The following GPM6A variants were observed in gnomAD, a reference collection of about 807,000 sequenced individuals.
The protein encoded by GPM6A is neuronal membrane glycoprotein M6-a.
Under a neutral mutation model 32.1 loss-of-function variants are expected in GPM6A, and 7 were observed. That is an observed-to-expected ratio of 0.22 (90% CI 0.12 to 0.41). The LOEUF is 0.41. Ranked by LOEUF, GPM6A falls within the 10% of genes least tolerant of loss-of-function variation. The pLI, the probability that GPM6A is intolerant of heterozygous loss-of-function variation, is 1.00. For synonymous variants in GPM6A, 130 were observed against 123.4 expected, an observed-to-expected ratio of 1.05 and a Z score of -0.35; for missense variants, 235 against 347.2, an observed-to-expected ratio of 0.68 and a Z score of 2.57.
intron 1 of GPM6A, among the ~76,000 whole-genome samples, chr4:175,968,338 G>C (rs1740394344): frequency 6.6e-6 from 1 of 152,126 alleles, no homozygotes; most frequent in Non-Finnish European, 1.5e-5. Flanking sequence ...GATGACATAG[G>C]AGAAAAATGT....
At chr4:175,918,186 A>G (rs902392931) in intron 1 of GPM6A, among the ~76,000 whole-genome samples, 2 of 152,128 alleles carry the variant, frequency 1.3e-5, no homozygotes, top group Non-Finnish European at 2.9e-5. Context: ...TAATGAAGAC[A>G]TATTTCAGAC....
intron 1 of GPM6A, among the ~76,000 whole-genome samples, chr4:175,776,909 C>T (rs773417310): frequency 2.0e-5 from 3 of 152,116 alleles, no homozygotes; most frequent in Admixed American, 6.6e-5. Context: ...TCAAGGCCTA[C>T]GTATGCAAAT....
chr4:176,000,462 A>G (rs919666710), intron 1 of GPM6A, among the ~76,000 whole-genome samples: 10 of 152,224 alleles, frequency 6.6e-5, no homozygotes, highest in Non-Finnish European at 1.0e-4. Context: ...TCCAGGACAA[A>G]TTGTTTTCAC....
Position 175,701,327 on chromosome 4 carries a change from C to A in GPM6A, c.230+248G>T, listed in dbSNP as rs138407818. On this transcript the variant is annotated intron_variant, in intron 2 of 6. Transcript: ENST00000393658. Reference sequence around the variant, plus strand: ...ATTCCACTTAATGGTAACCAAATTTCGAATACAACTTTACATTTAAAGCAT... The same window carrying A: ...ATTCCACTTAATGGTAACCAAATTTAGAATACAACTTTACATTTAAAGCAT... 2.6e-5 allele frequency among the ~76,000 whole-genome samples: 4 copies of A among 152,258 alleles called. No homozygotes were observed. In the East Asian group the frequency reaches 7.7e-4, roughly 29 times the overall value.
chr4:175,692,377 A>G (rs1744347332), intron 2 of GPM6A, among the ~76,000 whole-genome samples: 1 of 152,130 alleles, frequency 6.6e-6, no homozygotes, highest in Non-Finnish European at 1.5e-5. Flanking sequence ...GCTAGGTATT[A>G]TAATTTATTT....
At chr4:175,977,596 T>C (rs1561020060) in intron 1 of GPM6A, among the ~76,000 whole-genome samples, 1 of 152,160 alleles carries the variant, frequency 6.6e-6, no homozygotes, top group Non-Finnish European at 1.5e-5. Context: ...TTACCAAAAA[T>C]GCCTTGTGAT....
chr4:175,938,115 T>C (rs6851458), intron 1 of GPM6A, among the ~76,000 whole-genome samples: 2,407 of 152,304 alleles, frequency 0.016, 62 homozygotes, highest in African/African-American at 0.055. Context: ...ATTTTGACAT[T>C]GGTCAATAGG....
At chr4:175,691,313 C>T (rs1217191277) in intron 2 of GPM6A, among the ~76,000 whole-genome samples, 1 of 152,138 alleles carries the variant, frequency 6.6e-6, no homozygotes, top group Non-Finnish European at 1.5e-5. Flanking sequence ...CCATATTATC[C>T]TACTTCTTAA....
chr4:175,762,501 G>T (rs184293379), intron 1 of GPM6A, among the ~76,000 whole-genome samples: 1 of 152,152 alleles, frequency 6.6e-6, no homozygotes, highest in Admixed American at 6.5e-5. Context: ...ATCGAGTATT[G>T]CTATGTTTAG....
chr4:175,803,320 T>C (rs1734552283), intron 1 of GPM6A, among the ~76,000 whole-genome samples: 1 of 152,082 alleles, frequency 6.6e-6, no homozygotes, highest in Non-Finnish European at 1.5e-5. Context: ...GCATAACACA[T>C]ACATAAGAAA....
At chr4:175,746,492 T>A (rs542554515) in intron 1 of GPM6A, among the ~76,000 whole-genome samples, 33 of 152,300 alleles carry the variant, frequency 2.2e-4, no homozygotes, top group East Asian at 1.2e-3. Flanking sequence ...TAATTTTTTT[T>A]AAATTTAAAG....
intron 1 of GPM6A, among the ~76,000 whole-genome samples, chr4:175,733,093 A>C (rs1731502780): frequency 6.6e-6 from 1 of 152,144 alleles, no homozygotes; most frequent in Non-Finnish European, 1.5e-5. Flanking sequence ...CCAGTAGTGA[A>C]ATGTCTTTTT....
intron 1 of GPM6A, among the ~76,000 whole-genome samples, chr4:175,755,112 CT>C (rs1438603631): frequency 2.0e-5 from 3 of 152,182 alleles, no homozygotes; most frequent in African/African-American, 7.2e-5. Flanking sequence ...TTTAACCTTT[CT>C]TAATTCAAAC....
At chr4:175,896,712 G>T (rs1337325254) in intron 1 of GPM6A, among the ~76,000 whole-genome samples, 1 of 152,040 alleles carries the variant, frequency 6.6e-6, no homozygotes, top group Admixed American at 6.6e-5. Context: ...TATCTTCTTG[G>T]GGTGGGGGCA....
At chr4:175,786,922 A>G (rs1345495011) in intron 1 of GPM6A, 1 of 160,084 alleles carries the variant, frequency 6.2e-6, no homozygotes, top group Non-Finnish European at 1.4e-5. Context: ...TTTATTCTTT[A>G]AAGAGAAAGA....
At chr4:175,640,895 T>C (rs976798356) in intron 4 of GPM6A, 66 bp from the exon 5 acceptor site, 1 of 1,028,568 alleles carries the variant, frequency 9.7e-7, no homozygotes, top group Middle Eastern at 2.1e-4. Flanking sequence ...GAGAAAAAAA[T>C]GAGTTTTTGC....
chr4:175,951,873 T>C (rs765579054), intron 1 of GPM6A, among the ~76,000 whole-genome samples: 2 of 151,780 alleles, frequency 1.3e-5, no homozygotes, highest in African/African-American at 4.8e-5. Context: ...AAGGCCTGAA[T>C]AGAAAAAAAA....
chr4:175,833,749 C>T (rs1287656609), intron 1 of GPM6A, among the ~76,000 whole-genome samples: 1 of 152,050 alleles, frequency 6.6e-6, no homozygotes, highest in East Asian at 1.9e-4. Flanking sequence ...TGCCTAACCA[C>T]CAGTCACAAA....
At chr4:175,779,105 T>C (rs1474988247) in intron 1 of GPM6A, among the ~76,000 whole-genome samples, 1 of 152,186 alleles carries the variant, frequency 6.6e-6, no homozygotes, top group Non-Finnish European at 1.5e-5. Flanking sequence ...GAAATGCTTA[T>C]GGAAATGATG....
Sources: allele counts gnomAD v4.1 joint callset (sites outside exome capture counted in the v4.1 genomes callset), GRCh38; gene constraint gnomAD v4.1.1; transcripts MANE v1.5; gene names NCBI Gene and HGNC (gene_info 2026-07-23, HGNC 2026-07-21).